DLG2: variants seen among roughly 807,000 people sequenced by gnomAD.
DLG2 encodes disks large homolog 2.
In DLG2, 45 loss-of-function variants were observed where a neutral mutation model predicts 132.5. The observed-to-expected ratio is 0.34, with a 90% CI of 0.27 to 0.44. DLG2 has a LOEUF of 0.44. Among genes scored for constraint, DLG2 ranks in the 20% least tolerant of loss-of-function variants. DLG2 has a pLI of 1.00. For missense variants in DLG2, 1,045 were observed against 1,196.9 expected (o/e 0.87, Z 1.87); for synonymous variants, 424 against 419.6 (o/e 1.01, Z -0.13).
At chr11:85,436,799 C>A (rs1448286904) in intron 3 of DLG2, among the ~76,000 whole-genome samples, 1 of 152,236 alleles carries the variant, frequency 6.6e-6, no homozygotes, top group Non-Finnish European at 1.5e-5. Context: ...AATCCCATTA[C>A]TGGGTATATA....
At chr11:83,597,625 A>G (rs12281871) in intron 19 of DLG2, among the ~76,000 whole-genome samples, 1 of 78,150 alleles carries the variant, frequency 1.3e-5, no homozygotes, top group Non-Finnish European at 2.6e-5. Flanking sequence ...TCTCTACCCC[A>G]AAAAAAAAAA....
chr11:85,238,567 A>G (rs2075720090), intron 4 of DLG2, among the ~76,000 whole-genome samples: 1 of 151,734 alleles, frequency 6.6e-6, no homozygotes, highest in East Asian at 1.9e-4. Flanking sequence ...TTAAAGCCAA[A>G]CCTCTTTCTA....
At chr11:83,768,319 C>T (rs1041093389) in intron 18 of DLG2, among the ~76,000 whole-genome samples, 4 of 152,146 alleles carry the variant, frequency 2.6e-5, no homozygotes, top group African/African-American at 9.7e-5. Flanking sequence ...GCATCTGTAC[C>T]TTCTACATTA....
At chr11:84,828,717 G>A (rs542296400) in intron 6 of DLG2, among the ~76,000 whole-genome samples, 2 of 151,854 alleles carry the variant, frequency 1.3e-5, no homozygotes, top group African/African-American at 4.8e-5. Context: ...AATACCATCA[G>A]CTTGGTTTGA....
chr11:83,892,585 A>T (rs1359407682), intron 15 of DLG2, among the ~76,000 whole-genome samples: 1 of 152,174 alleles, frequency 6.6e-6, no homozygotes, highest in Non-Finnish European at 1.5e-5. Flanking sequence ...ATTGTATGCA[A>T]GTTACAACTT....
intron 11 of DLG2, among the ~76,000 whole-genome samples, chr11:84,035,744 G>A (rs1221825648): frequency 6.6e-6 from 1 of 152,136 alleles, no homozygotes; most frequent in Non-Finnish European, 1.5e-5. Context: ...ACTGTAGAGG[G>A]TGCAAAGTGG....
At chr11:85,283,005 A>G (rs2078330331) in intron 4 of DLG2, among the ~76,000 whole-genome samples, 1 of 152,060 alleles carries the variant, frequency 6.6e-6, no homozygotes, top group Non-Finnish European at 1.5e-5. Flanking sequence ...CAAATACTGC[A>G]TGTTCTCACT....
chr11:84,071,161 C>T (rs1052131268), intron 10 of DLG2, among the ~76,000 whole-genome samples: 5 of 152,162 alleles, frequency 3.3e-5, no homozygotes, highest in Non-Finnish European at 7.3e-5. Flanking sequence ...GGCACAATCA[C>T]GACGCACTGA....
chr11:85,204,845 T>G (rs2081751225), intron 4 of DLG2, among the ~76,000 whole-genome samples: 1 of 151,966 alleles, frequency 6.6e-6, no homozygotes, highest in Non-Finnish European at 1.5e-5. Flanking sequence ...CACAGGCCAA[T>G]GAAACAGAAT....
chr11:84,981,171 A>T (rs2055681836), intron 6 of DLG2, among the ~76,000 whole-genome samples: 4 of 152,244 alleles, frequency 2.6e-5, no homozygotes. Flanking sequence ...TTAAATTATT[A>T]TGAAAATGAA....
chr11:84,856,059 G>T (rs2082743748), intron 6 of DLG2, among the ~76,000 whole-genome samples: 1 of 151,936 alleles, frequency 6.6e-6, no homozygotes, highest in Admixed American at 6.6e-5. Flanking sequence ...CCAATTGCAA[G>T]GGCCTTACTA....
chr11:84,869,413 G>C (rs969186935), intron 6 of DLG2, among the ~76,000 whole-genome samples: 2 of 152,178 alleles, frequency 1.3e-5, no homozygotes, highest in Admixed American at 1.3e-4. Flanking sequence ...GATGAGTTAA[G>C]ATAGTTCTGT....
At chr11:83,637,594 G>C (rs1385300884) in intron 18 of DLG2, among the ~76,000 whole-genome samples, 1 of 74,770 alleles carries the variant, frequency 1.3e-5, no homozygotes, top group African/African-American at 5.6e-5. Context: ...GGATCGCCGT[G>C]AAGCCATTTT....
At chr11:84,964,715 GT>G (rs2053081586) in intron 6 of DLG2, among the ~76,000 whole-genome samples, 1 of 152,064 alleles carries the variant, frequency 6.6e-6, no homozygotes, top group African/African-American at 2.4e-5. Context: ...TCTTTACACA[GT>G]TTATGTGGGG....
At chr11:84,958,095 T>C (rs749458342) in intron 6 of DLG2, among the ~76,000 whole-genome samples, 3 of 152,198 alleles carry the variant, frequency 2.0e-5, no homozygotes, top group Non-Finnish European at 4.4e-5. Flanking sequence ...TTGTTTAATA[T>C]TATGTTTGAA....
intron 21 of DLG2, among the ~76,000 whole-genome samples, chr11:83,497,957 C>G (rs2094237698): frequency 6.6e-6 from 1 of 150,576 alleles, no homozygotes; most frequent in South Asian, 2.1e-4. Context: ...CAAATGGAAG[C>G]TTCCCTTTTT....
At chr11:83,677,681 A>T (rs1294554580) in intron 18 of DLG2, among the ~76,000 whole-genome samples, 3 of 152,232 alleles carry the variant, frequency 2.0e-5, no homozygotes, top group Non-Finnish European at 4.4e-5. Context: ...TCATTTCATT[A>T]AAAAACAAAA....
Position 85,155,350 on chromosome 11 carries a change from T to A in DLG2, c.187-699A>T, listed in dbSNP as rs138167747. Among the ~76,000 whole-genome samples, 288 of 152,308 alleles carry A rather than the reference T, an allele frequency of 1.9e-3. 1 individual carries two copies. The highest frequency in any genetic ancestry group is 6.7e-3 in the African/African-American group (280 of 41,574). On this transcript the variant is annotated intron_variant, in intron 4 of 27. Transcript: ENST00000376104. ...CTGCCCTACGATTCTTTTGGCAGCA[T>A]CGATGAAATTGTGGCAGACTAAATT... is the stretch of plus-strand genomic sequence containing the variant.
chr11:84,015,906 TG>T (rs2154070791), intron 11 of DLG2, among the ~76,000 whole-genome samples: 1 of 152,298 alleles, frequency 6.6e-6, no homozygotes, highest in South Asian at 2.1e-4. Flanking sequence ...TATTCAGTAA[TG>T]GGATTGCTAG....
Sources: allele counts gnomAD v4.1 joint callset (sites outside exome capture counted in the v4.1 genomes callset), GRCh38; gene constraint gnomAD v4.1.1; transcripts MANE v1.5; gene names NCBI Gene and HGNC (gene_info 2026-07-23, HGNC 2026-07-21).